Variants in EZR observed in about 807,000 individuals in gnomAD.
EZR encodes the protein ezrin.
Under a neutral mutation model 74.8 loss-of-function variants are expected in EZR, and 40 were observed. That is an observed-to-expected ratio of 0.53 (90% CI 0.42 to 0.70). The LOEUF (loss-of-function observed/expected upper bound fraction) is 0.70. EZR is among the 30% of genes least tolerant of loss of function. The pLI, the probability that EZR is intolerant of heterozygous loss-of-function variation, is 0.00. For synonymous variants in EZR, 341 were observed against 283.3 expected, an observed-to-expected ratio of 1.20 and a Z score of -2.05; for missense variants, 678 against 755.8, an observed-to-expected ratio of 0.90 and a Z score of 1.21.
At position 158,806,525 on chromosome 6, in the gene EZR, T is replaced by C. The variant is rs546243020; in HGVS notation, c.12+11557A>G. ...CATATTTTAAGGCCCTCATTCATTA[T>C]TTCACTTGTAAAAACTTCAGTATAT... On this transcript the variant is annotated intron_variant, in intron 2 of 13. Transcript: ENST00000367075. Among the ~76,000 whole-genome samples, 7 of 151,450 alleles carry C rather than the reference T, an allele frequency of 4.6e-5. No individual in the cohort carries two copies. The South Asian group carries it at 1.5e-3, about 32-fold the overall frequency.
intron 7 of EZR, among the ~76,000 whole-genome samples, chr6:158,778,105 T>A (rs1791331329): frequency 6.6e-6 from 1 of 152,232 alleles, no homozygotes; most frequent in Admixed American, 6.5e-5. Context: ...AGGCATGTGT[T>A]GCTTCTGGAG....
rs1366769469 is a variant in EZR at position 158,817,558 on chromosome 6, G to A, written c.12+524C>T. On this transcript the variant is annotated intron_variant, in intron 2 of 13. Coordinates refer to ENST00000367075, the MANE Select transcript of EZR (RefSeq NM_001111077.2). Reference sequence around the variant, plus strand: ...AGCCAGCAAGTTTGCTGGTGTACAGGGCACCGCTTCATGGGCCTAGTAGGA... The same window carrying A: ...AGCCAGCAAGTTTGCTGGTGTACAGAGCACCGCTTCATGGGCCTAGTAGGA... Among the ~76,000 whole-genome samples the A allele has an allele frequency of 3.3e-5, 5 of 152,176 alleles. No homozygotes were observed. The South Asian group carries it at 8.3e-4, about 25-fold the overall frequency.
At position 158,772,938 on chromosome 6, in the gene EZR, G is replaced by A. The variant is rs144464474; in HGVS notation, c.796-1531C>T. On this transcript the variant is annotated intron_variant, in intron 8 of 13. Coordinates refer to ENST00000367075, the MANE Select transcript of EZR (RefSeq NM_001111077.2). Reference sequence around the variant, plus strand: ...TTCCAGAAATCCTAGGGTGAGAGGTGATGCCAAGCCCTGAGAGCCCATGAA... The same window carrying A: ...TTCCAGAAATCCTAGGGTGAGAGGTAATGCCAAGCCCTGAGAGCCCATGAA... Among the ~76,000 whole-genome samples the A allele has an allele frequency of 3.9e-5, 6 of 152,326 alleles. No individual in the cohort carries two copies. In the East Asian group the frequency reaches 1.2e-3, roughly 29 times the overall value.
chr6:158,799,782 G>C (rs1777152911), intron 2 of EZR, among the ~76,000 whole-genome samples: 1 of 152,180 alleles, frequency 6.6e-6, no homozygotes, highest in African/African-American at 2.4e-5. Flanking sequence ...AAGCCCGAGA[G>C]GCAAGTGAAT....
intron 5 of EZR, 118 bp downstream of exon 5, chr6:158,785,191 G>A: frequency 7.8e-7 from 1 of 1,276,382 alleles, no homozygotes; most frequent in South Asian, 1.4e-5. Context: ...CTAGCATGAA[G>A]GAGCACTTGA....
intron 11 of EZR, 32 bp downstream of exon 11, chr6:158,769,752 A>G (rs1274486138): frequency 6.2e-7 from 1 of 1,611,982 alleles, no homozygotes; most frequent in South Asian, 1.1e-5. Flanking sequence ...CCTCTCTATA[A>G]TTCAGCATCT....
At chr6:158,818,638 C>T (rs1777619856) in intron 1 of EZR, among the ~76,000 whole-genome samples, 1 of 144,106 alleles carries the variant, frequency 6.9e-6, no homozygotes, top group Non-Finnish European at 1.5e-5. Flanking sequence ...GGGGGACACT[C>T]GAGGTGCACC....
At chr6:158,785,947 G>C (rs1277311789) in intron 4 of EZR, among the ~76,000 whole-genome samples, 2 of 152,160 alleles carry the variant, frequency 1.3e-5, no homozygotes, top group East Asian at 3.9e-4. Flanking sequence ...AGTTACTCAA[G>C]AAGCTGAGCA....
At chr6:158,804,992 C>T (rs1240673184) in intron 2 of EZR, among the ~76,000 whole-genome samples, 1 of 147,632 alleles carries the variant, frequency 6.8e-6, no homozygotes, top group Non-Finnish European at 1.5e-5. Flanking sequence ...CAATTCCCAC[C>T]TATGAGTGAG....
chr6:158,790,779 T>A (rs3123119), intron 2 of EZR, among the ~76,000 whole-genome samples: 1 of 152,106 alleles, frequency 6.6e-6, no homozygotes, highest in South Asian at 2.1e-4. Flanking sequence ...TTTACTAAAG[T>A]GTATGAAAAA....
At chr6:158,816,516 T>G (rs1359617861) in intron 2 of EZR, among the ~76,000 whole-genome samples, 2 of 152,232 alleles carry the variant, frequency 1.3e-5, no homozygotes, top group African/African-American at 2.4e-5. Flanking sequence ...CTCCTCCGCA[T>G]ACCGTTGCAC....
chr6:158,798,622 C>CTGTT (rs1554274399), intron 2 of EZR, among the ~76,000 whole-genome samples: 1 of 122,204 alleles, frequency 8.2e-6, no homozygotes, highest in Admixed American at 8.8e-5. Flanking sequence ...TGCTGCTCCG[C>CTGTT]TTTTTTTTTT....
Position 158,769,322 on chromosome 6 carries a change from T to C in EZR, c.1344+4A>G. On this transcript the variant is annotated splice_donor_region_variant and intron_variant, in intron 12 of 13. Coordinates refer to ENST00000367075, the MANE Select transcript of EZR (RefSeq NM_001111077.2). ...GTGCGGAGGTGTCCCCCGTGCAGAC[T>C]CACCCTGTGCTGCCACTCTTCAACT... The C allele has an allele frequency of 1.2e-6, 2 of 1,608,690 alleles. No individual in the cohort carries two copies. The highest frequency in any genetic ancestry group is 1.7e-6 in the Non-Finnish European group (2 of 1,179,846).
At chr6:158,797,646 A>G (rs915514296) in intron 2 of EZR, among the ~76,000 whole-genome samples, 7 of 152,256 alleles carry the variant, frequency 4.6e-5, no homozygotes, top group Non-Finnish European at 2.9e-5. Context: ...GCTCTGATAG[A>G]AAGTAGATAC....
At position 158,766,062 on chromosome 6, in the gene EZR, G is replaced by A. The variant is rs1790775342; in HGVS notation, c.*852C>T. 1 of 152,608 alleles carries A rather than the reference G, an allele frequency of 6.6e-6. No homozygotes were observed. The highest frequency in any genetic ancestry group is 1.5e-5 in the Non-Finnish European group (1 of 68,024). The allele number at this position is 152,608 out of a possible 1,614,324, so 9.5% of individuals were successfully genotyped here. On this transcript the variant is annotated 3_prime_UTR_variant, in exon 14 of 14. Coordinates refer to ENST00000367075, the MANE Select transcript of EZR (RefSeq NM_001111077.2). ...ATAATAATCCTGTTTACACGTGACTGCAGCAGGCAGGTCCAGCTCCACCAC... is the reference window on the plus strand; with the variant it reads ...ATAATAATCCTGTTTACACGTGACTACAGCAGGCAGGTCCAGCTCCACCAC...
At position 158,787,191 on chromosome 6, in the gene EZR, T is replaced by C. The variant is rs376344139; in HGVS notation, c.109A>G (p.Ile37Val). The C allele has an allele frequency of 6.8e-6, 11 of 1,612,848 alleles. No homozygotes were observed. The highest frequency in any genetic ancestry group is 5.0e-5 in the Admixed American group (3 of 59,978). Residue 37 changes from isoleucine to valine, a missense_variant, in exon 4 of 14, where the codon ATC becomes GTC. This residue lies in a region of EZR where 217 missense variants were observed against 232.2 expected (regional missense o/e 0.93). Coordinates refer to ENST00000367075, the MANE Select transcript of EZR (RefSeq NM_001111077.2). ...KQLFDQVVKT[I>V]GLREVWYFGL... ...AAGTACCACACTTCCCGGAGGCCGA[T>C]AGTCTTTACCACCTGCGTGAGAGAG...
intron 7 of EZR, among the ~76,000 whole-genome samples, chr6:158,779,494 G>T (rs902445762): frequency 6.6e-6 from 1 of 152,164 alleles, no homozygotes; most frequent in Non-Finnish European, 1.5e-5. Context: ...GTTAATGTTT[G>T]AGGAAGCTAA....
Position 158,780,181 on chromosome 6 carries a change from T to TA in EZR, c.698+3338_698+3339insT, listed in dbSNP as rs1791393749. On this transcript the variant is annotated intron_variant, in intron 7 of 13. Transcript: ENST00000367075. ...CTGGGTGACACAGTGAGATTCCATA[T>TA]CAAAAAAAAAAAAAAAACCAAGAAT... 9.2e-3 allele frequency among the ~76,000 whole-genome samples: 439 copies of TA among 47,848 alleles called. 4 individuals carry two copies. Among genetic ancestry groups the TA allele is most frequent in the African/African-American group, 0.04 (389 of 9,610 alleles). 31.4% of individuals were successfully genotyped at this position (47,848 alleles called of 152,430 possible). A position where few individuals can be genotyped will look rare whatever the true frequency, so the allele number is the denominator to read the frequency against.
intron 8 of EZR, among the ~76,000 whole-genome samples, chr6:158,772,646 A>T (rs1478480025): frequency 6.6e-6 from 1 of 152,184 alleles, no homozygotes; most frequent in Non-Finnish European, 1.5e-5. Context: ...ACTCCTTGCT[A>T]CTGCTGTGAT....
Sources: allele counts gnomAD v4.1 joint callset (sites outside exome capture counted in the v4.1 genomes callset), GRCh38; gene constraint gnomAD v4.1.1; regional missense constraint gnomAD v4.1.1; transcripts MANE v1.5; gene names NCBI Gene and HGNC (gene_info 2026-07-23, HGNC 2026-07-21).